The following FAM153A variants were observed in gnomAD, a reference collection of about 807,000 sequenced individuals.
FAM153A encodes protein FAM153A.
FAM153A carries 12 observed loss-of-function variants against 48.1 expected under a neutral mutation model. The ratio of observed to expected loss-of-function variants is 0.25; its 90% CI spans 0.16 to 0.40. FAM153A has a LOEUF of 0.40. Among genes scored for constraint, FAM153A ranks in the 10% least tolerant of loss-of-function variants. The pLI is 1.00. For synonymous variants in FAM153A, 36 were observed against 118.2 expected (o/e 0.30, Z 4.51); for missense variants, 111 against 345.8 (o/e 0.32, Z 5.38).
chr5:177,768,691 G>A (rs1411691284), intron 1 of FAM153A, among the ~76,000 whole-genome samples: 1 of 109,776 alleles, frequency 9.1e-6, no homozygotes, highest in Non-Finnish European at 1.9e-5. Flanking sequence ...GAGGTCATAA[G>A]TTTTAGTGTG....
downstream of FAM153A, among the ~76,000 whole-genome samples, chr5:177,705,703 A>C (rs1334618686): frequency 1.6e-5 from 2 of 122,192 alleles, no homozygotes; most frequent in Non-Finnish European, 1.6e-5. Context: ...CTTGTCACCC[A>C]GGCTGGAGTG....
At chr5:177,707,568 C>T (rs1229707728), downstream of FAM153A, among the ~76,000 whole-genome samples, 2 of 151,816 alleles carry the variant, frequency 1.3e-5, no homozygotes, top group Admixed American at 1.3e-4. Context: ...AATATGTTTT[C>T]TTTCATTTGT....
intron 4 of FAM153A, among the ~76,000 whole-genome samples, chr5:177,746,207 C>T (rs531489630): frequency 1.0e-4 from 15 of 150,732 alleles, no homozygotes; most frequent in African/African-American, 2.5e-4. Context: ...CTGTGGTGGA[C>T]GATGAATGGG....
At chr5:177,778,113 G>A (rs1040985894) in intron 1 of FAM153A, among the ~76,000 whole-genome samples, 1 of 22,294 alleles carries the variant, frequency 4.5e-5, no homozygotes, top group African/African-American at 2.3e-4. Flanking sequence ...GACTGTGGTG[G>A]GGTCGGGGGA....
At chr5:177,713,150 C>T (rs1758764466) in exon 27 of FAM153A, 1 of 151,968 alleles carries the variant, frequency 6.6e-6, no homozygotes, top group Non-Finnish European at 1.5e-5. Flanking sequence ...TCCAAATGGC[C>T]TCACAAATAT....
chr5:177,702,200 G>A, the FAM153A span, among the ~76,000 whole-genome samples: 3 of 151,820 alleles, frequency 2.0e-5, no homozygotes, highest in African/African-American at 4.9e-5. Flanking sequence ...GAGCCACCGC[G>A]CCTGGCCAAA....
intron 1 of FAM153A, among the ~76,000 whole-genome samples, chr5:177,760,013 T>C (rs1014008778): frequency 8.8e-5 from 13 of 147,184 alleles, no homozygotes; most frequent in Non-Finnish European, 3.0e-5. Flanking sequence ...GATGTTGCAT[T>C]TTTTTTCAGG....
At chr5:177,739,016 A>G (rs999651532) in intron 10 of FAM153A, 97 bp downstream of exon 12, 2 of 988,568 alleles carry the variant, frequency 2.0e-6, no homozygotes, top group Non-Finnish European at 1.5e-6. Context: ...AGGAAGCTCC[A>G]ATGAGAGTGG....
the FAM153A span, among the ~76,000 whole-genome samples, chr5:177,696,388 G>C: frequency 6.6e-6 from 1 of 151,872 alleles, no homozygotes; most frequent in African/African-American, 2.4e-5. Context: ...CGGCTGGGCA[G>C]AGACGCTCCT....
At chr5:177,702,075 T>A in the FAM153A span, among the ~76,000 whole-genome samples, 1 of 151,658 alleles carries the variant, frequency 6.6e-6, no homozygotes, top group South Asian at 2.1e-4. Flanking sequence ...GCCCGGCTAA[T>A]TTTTTTGTAT....
chr5:177,712,902 C>G (rs1758720769), exon 27 of FAM153A: 1 of 151,834 alleles, frequency 6.6e-6, no homozygotes, highest in South Asian at 2.1e-4. Context: ...TGTGTTATGA[C>G]AAAATTGTTC....
chr5:177,727,873 G>T (rs1346918661), intron 18 of FAM153A, among the ~76,000 whole-genome samples: 1 of 58,154 alleles, frequency 1.7e-5, no homozygotes, highest in Non-Finnish European at 3.2e-5. Context: ...ATTATTGTCT[G>T]CTTTTGAAAA....
the FAM153A span, among the ~76,000 whole-genome samples, chr5:177,694,963 G>A: frequency 6.6e-6 from 1 of 151,448 alleles, no homozygotes; most frequent in Non-Finnish European, 1.5e-5. Flanking sequence ...TCACTTGGTT[G>A]CCCAGGCTGG....
At chr5:177,763,543 GC>G (rs1768472861) in intron 1 of FAM153A, 33 bp from the exon 4 acceptor site, 1 of 148,742 alleles carries the variant, frequency 6.7e-6, no homozygotes. Flanking sequence ...TGAACAGGTG[GC>G]CTGGGGCCAG....
intron 1 of FAM153A, among the ~76,000 whole-genome samples, chr5:177,779,293 T>TGTGTGTGTGC (rs1769476029): frequency 3.3e-5 from 1 of 30,668 alleles, no homozygotes; most frequent in African/African-American, 1.4e-4. Flanking sequence ...TGTGTGCGTG[T>TGTGTGTGTGC]GTGTGTGTGT....
downstream of FAM153A, chr5:177,722,130 C>CTTTTT (rs762316098): frequency 8.1e-6 from 1 of 124,112 alleles, no homozygotes; most frequent in African/African-American, 3.3e-5. Flanking sequence ...TTTTTTTGTT[C>CTTTTT]TTTTTTTTTT....
chr5:177,749,619 C>T (rs7444291), intron 2 of FAM153A, among the ~76,000 whole-genome samples: 79,792 of 87,248 alleles, frequency 0.91, 38,351 homozygotes, highest in East Asian at 1. Context: ...GGAAGCACAG[C>T]AGCCTTTGAT....
rs1385255868 is a variant in FAM153A, at chr5:177,732,510, C to G, written c.761-410G>C. Among the ~76,000 whole-genome samples the G allele has an allele frequency of 2.8e-5, 2 of 72,244 alleles. 1 individual carries two copies. The highest frequency in any genetic ancestry group is 5.5e-5 in the Non-Finnish European group (2 of 36,654). The allele number at this position is 72,244 out of a possible 152,430, so 47.4% of individuals were successfully genotyped here. A position where few individuals can be genotyped will look rare whatever the true frequency, so the allele number is the denominator to read the frequency against. On this transcript the variant is annotated intron_variant, in intron 14 of 20. Coordinates refer to ENST00000614127, the Ensembl canonical transcript of FAM153A. ...TGTTTTTTGTCCCTCCCAGAACTTG[C>G]TTTTTTTTTTTTTTTTTGAGATGGA... is the stretch of plus-strand genomic sequence containing the variant.
intron 18 of FAM153A, among the ~76,000 whole-genome samples, chr5:177,725,675 C>T (rs1487149798): frequency 2.0e-5 from 3 of 151,210 alleles, no homozygotes; most frequent in South Asian, 2.1e-4. Flanking sequence ...GGGAGAAGGA[C>T]AAGGCTGCTG....
Sources: gnomAD v4.1 joint callset for allele counts (sites outside exome capture counted in the v4.1 genomes callset) on GRCh38, gnomAD v4.1.1 for gene constraint, MANE v1.5 for transcripts, NCBI Gene and HGNC (gene_info 2026-07-23, HGNC 2026-07-21) for gene names.